Variants in NPAS3 observed in about 807,000 individuals in gnomAD.
NPAS3 encodes neuronal PAS domain protein 3, also known as neuronal PAS domain-containing protein 3.
Under a neutral mutation model 73.1 loss-of-function variants are expected in NPAS3, and 14 were observed. That is an observed-to-expected ratio of 0.19 (90% CI 0.13 to 0.30). The LOEUF (loss-of-function observed/expected upper bound fraction) is 0.30, where lower values mean the gene tolerates loss of function less well. Ranked by LOEUF, NPAS3 falls within the 10% of genes least tolerant of loss-of-function variation. The pLI is 1.00. For missense variants in NPAS3, 1,096 were observed against 1,250.0 expected (o/e 0.88, Z 1.86); for synonymous variants, 620 against 541.5 (o/e 1.14, Z -2.01).
intron 3 of NPAS3, among the ~76,000 whole-genome samples, chr14:33,256,746 T>A (rs1318855099): frequency 6.6e-6 from 1 of 152,262 alleles, no homozygotes; most frequent in Non-Finnish European, 1.5e-5. Flanking sequence ...ATTAATAGTT[T>A]ATTACACAAT....
In NPAS3 at chr14:33,405,957, A is replaced by G. The variant is rs189422135; in HGVS notation, c.468+38689A>G. On this transcript the variant is annotated intron_variant, in intron 4 of 11. Coordinates refer to ENST00000356141, the Ensembl canonical transcript of NPAS3. Reference sequence around the variant, plus strand: ...TTGTATTAGCTTATGCCCTGAGGGGAAAAAAGCGGTTAAATTTTTTTTTAA... The same window carrying G: ...TTGTATTAGCTTATGCCCTGAGGGGGAAAAAGCGGTTAAATTTTTTTTTAA... 1.5e-3 allele frequency among the ~76,000 whole-genome samples: 223 copies of G among 152,170 alleles called. 1 individual carries two copies. The highest frequency in any genetic ancestry group is 5.0e-3 in the African/African-American group (209 of 41,538).
At chr14:33,611,702 A>G (rs7140539) in intron 5 of NPAS3, among the ~76,000 whole-genome samples, 67,546 of 151,950 alleles carry the variant, frequency 0.44, 15,844 homozygotes, top group East Asian at 0.68. Context: ...TGTTCAAAAC[A>G]AAGAAGGCTA....
At chr14:33,097,038 G>C (rs1229783497) in intron 2 of NPAS3, among the ~76,000 whole-genome samples, 2 of 150,906 alleles carry the variant, frequency 1.3e-5, no homozygotes, top group African/African-American at 4.8e-5. Flanking sequence ...TACCATGGAA[G>C]ACATTCTTGT....
rs150910729 is a variant in NPAS3 at position 33,746,155 on chromosome 14, A to T, written c.852+10823A>T. On this transcript the variant is annotated intron_variant, in intron 7 of 11. Coordinates refer to ENST00000356141, the Ensembl canonical transcript of NPAS3. ...ATTCCTTAGGGGATTCTATTGACTCATTCTTTTTTATTTTATTTTATTTAT... is the reference window on the plus strand; with the variant it reads ...ATTCCTTAGGGGATTCTATTGACTCTTTCTTTTTTATTTTATTTTATTTAT... Among the ~76,000 whole-genome samples, 50 of 148,834 alleles carry T rather than the reference A, an allele frequency of 3.4e-4. No homozygotes were observed. In the East Asian group the frequency reaches 9.5e-3, roughly 28 times the overall value.
intron 3 of NPAS3, among the ~76,000 whole-genome samples, chr14:33,320,407 G>A (rs554264737): frequency 6.6e-6 from 1 of 152,250 alleles, no homozygotes; most frequent in East Asian, 1.9e-4. Context: ...TCTGCACGTT[G>A]TGCACGTGTA....
chr14:32,983,730 A>G (rs1012889494), intron 1 of NPAS3, among the ~76,000 whole-genome samples: 6 of 151,880 alleles, frequency 4.0e-5, no homozygotes, highest in African/African-American at 1.5e-4. Flanking sequence ...TATTATTATT[A>G]TATATTTTTT....
chr14:33,416,679 C>T (rs111535578), intron 4 of NPAS3, among the ~76,000 whole-genome samples: 1 of 152,010 alleles, frequency 6.6e-6, no homozygotes, highest in African/African-American at 2.4e-5. Flanking sequence ...TAGCAAATGA[C>T]AGTAATTCTG....
intron 5 of NPAS3, among the ~76,000 whole-genome samples, chr14:33,650,962 G>T (rs866341435): frequency 6.6e-6 from 1 of 152,328 alleles, no homozygotes; most frequent in Middle Eastern, 3.4e-3. Context: ...CAAGAAGAGG[G>T]AAAGCAAGGG....
At chr14:33,052,577 TATG>T (rs1348722422) in intron 1 of NPAS3, among the ~76,000 whole-genome samples, 2 of 152,158 alleles carry the variant, frequency 1.3e-5, no homozygotes, top group Non-Finnish European at 2.9e-5. Context: ...CGTTGCAAAA[TATG>T]ATGTGTTGGG....
intron 1 of NPAS3, among the ~76,000 whole-genome samples, chr14:32,957,023 C>T (rs1208227814): frequency 2.0e-5 from 3 of 152,106 alleles, no homozygotes; most frequent in East Asian, 1.9e-4. Context: ...TTTGGTGTGG[C>T]GCCTTAGCAT....
chr14:33,460,612 A>C (rs961192168), intron 4 of NPAS3, among the ~76,000 whole-genome samples: 7 of 152,130 alleles, frequency 4.6e-5, no homozygotes, highest in African/African-American at 1.7e-4. Context: ...TTGAATAATC[A>C]CGTATATTTT....
chr14:33,586,111 AGGC>A (rs1469470851), intron 5 of NPAS3: 5 of 151,844 alleles, frequency 3.3e-5, no homozygotes, highest in Non-Finnish European at 7.4e-5. Context: ...CTGAGAAATA[AGGC>A]CTCAGGTGCT....
chr14:33,449,785 C>T (rs1182350302), intron 4 of NPAS3, among the ~76,000 whole-genome samples: 5 of 152,196 alleles, frequency 3.3e-5, no homozygotes, highest in Admixed American at 6.5e-5. Flanking sequence ...TCTTAATCTT[C>T]CTAAGTGAAA....
rs1405811504 is a variant in NPAS3 at position 33,800,139 on chromosome 14, G to A, written c.1832G>A (p.Ser611Asn). The A allele has an allele frequency of 3.2e-6, 5 of 1,586,010 alleles. No individual in the cohort carries two copies. In the African/African-American group the frequency reaches 6.7e-5, roughly 21 times the overall value. ...AGGCGGAAACGGCAAAAGGGCGGCAGCGCCAGCCGCCGGCGCCTGTCCAGC... is the reference window on the plus strand; with the variant it reads ...AGGCGGAAACGGCAAAAGGGCGGCAACGCCAGCCGCCGGCGCCTGTCCAGC... The change falls in exon 12 of 12, where the codon AGC becomes AAC. Residue 611 changes from serine to asparagine, a missense_variant. Transcript: ENST00000356141. The surrounding 1 kb of genome is among the most constrained non-coding windows in gnomAD (Gnocchi z 6.5).
In NPAS3 at chr14:33,600,795, C is replaced by T. The variant is rs550004307; in HGVS notation, c.558+40585C>T. Reference sequence around the variant, plus strand: ...AACAATAATTCCAAACAGCATAAGTCTAAACACCAAAGATACACTTTAGAG... The same window carrying T: ...AACAATAATTCCAAACAGCATAAGTTTAAACACCAAAGATACACTTTAGAG... On this transcript the variant is annotated intron_variant, in intron 5 of 11. Transcript: ENST00000356141. Among the ~76,000 whole-genome samples the T allele has an allele frequency of 3.3e-5, 5 of 152,264 alleles. No individual in the cohort carries two copies. The East Asian group carries it at 7.7e-4, about 23-fold the overall frequency.
chr14:33,388,566 G>C lies in NPAS3; in HGVS notation c.468+21298G>C, dbSNP rs2046868578. On this transcript the variant is annotated intron_variant, in intron 4 of 11. Coordinates refer to ENST00000356141, the Ensembl canonical transcript of NPAS3. ...ACCAGGTAGTGGTTGTGATAGTTGT[G>C]GGGAAAGGTTATATTAAGTTATATT... Among the ~76,000 whole-genome samples, 6 of 152,102 alleles carry C rather than the reference G, an allele frequency of 3.9e-5. No individual in the cohort carries two copies. The South Asian group carries it at 1.2e-3, about 32-fold the overall frequency.
intron 4 of NPAS3, among the ~76,000 whole-genome samples, chr14:33,471,602 T>C (rs1239749052): frequency 1.3e-5 from 2 of 152,196 alleles, no homozygotes; most frequent in Admixed American, 1.3e-4. Context: ...ATGTTTATGA[T>C]ACCATATTAT....
At chr14:33,780,378 CT>C (rs1303047283) in intron 9 of NPAS3, among the ~76,000 whole-genome samples, 1 of 152,198 alleles carries the variant, frequency 6.6e-6, no homozygotes, top group Non-Finnish European at 1.5e-5. Context: ...AAATCAGGAT[CT>C]TTGGAAGAAG....
At chr14:33,055,884 C>G in intron 1 of NPAS3, 21 bp from the exon 2 acceptor site, 1 of 789,972 alleles carries the variant, frequency 1.3e-6, no homozygotes, top group Non-Finnish European at 2.2e-6. Flanking sequence ...TCATGTCTAT[C>G]TGTTTTTGAT....
Sources: gnomAD v4.1 joint callset for allele counts (sites outside exome capture counted in the v4.1 genomes callset) on GRCh38, gnomAD v4.1.1 for gene constraint, Gnocchi (gnomAD v3.1) non-coding constraint, MANE v1.5 for transcripts, NCBI Gene and HGNC (gene_info 2026-07-23, HGNC 2026-07-21) for gene names.